Variants in BCL7C observed in about 807,000 individuals in gnomAD.
BCL7C encodes the protein BAF chromatin remodeling complex subunit BCL7C, also known as B-cell CLL/lymphoma 7 protein family member C.
In BCL7C, 8 loss-of-function variants were observed where a neutral mutation model predicts 26.2. The ratio of observed to expected loss-of-function variants is 0.30; its 90% CI spans 0.18 to 0.55. The LOEUF is 0.55. Among genes scored for constraint, BCL7C ranks in the 20% least tolerant of loss-of-function variants. The pLI is 0.93. For synonymous variants in BCL7C, 90 were observed against 116.5 expected, an observed-to-expected ratio of 0.77 and a Z score of 1.47; for missense variants, 262 against 298.5, an observed-to-expected ratio of 0.88 and a Z score of 0.90.
chr16:30,892,712 A>T lies in BCL7C; in HGVS notation c.316T>A (p.Ser106Thr), dbSNP rs2055269722. 6.2e-7 allele frequency: 1 copy of T among 1,613,924 alleles called. No homozygotes were observed. The highest frequency in any genetic ancestry group is 1.7e-5 in the Admixed American group (1 of 59,990). ...CTGGGCTCTGTGCCCTTTTGCAGGG[A>T]ACCTTCCGAATGGAAACTCTGGTTG... is the stretch of plus-strand genomic sequence containing the variant. Reference protein sequence around the residue: ...NSNQSFHSEGSLQKGTEPSPG... With the variant: ...NSNQSFHSEGTLQKGTEPSPG... Residue 106 changes from serine to threonine, a missense_variant, in exon 4 of 6, where the codon TCC (serine) becomes ACC (threonine). Ser to Thr is a moderately conservative substitution (Grantham distance 58). Transcript: ENST00000215115.
At chr16:30,850,029 G>A (rs1488684578) in intron 5 of BCL7C, among the ~76,000 whole-genome samples, 1 of 151,640 alleles carries the variant, frequency 6.6e-6, no homozygotes, top group African/African-American at 2.4e-5. Flanking sequence ...CTAACACAGT[G>A]AAACCCCATC....
At chr16:30,890,713 C>T (rs1290633176) in intron 4 of BCL7C, among the ~76,000 whole-genome samples, 2 of 151,850 alleles carry the variant, frequency 1.3e-5, no homozygotes, top group Admixed American at 6.6e-5. Flanking sequence ...AGGCCAGGCA[C>T]GGTGGCTCAC....
chr16:30,862,599 C>T (rs988506785), intron 5 of BCL7C, among the ~76,000 whole-genome samples: 3 of 152,052 alleles, frequency 2.0e-5, no homozygotes, highest in Admixed American at 1.3e-4. Flanking sequence ...AGGGATATCT[C>T]GTATCCCCCT....
chr16:30,869,503 CTCTT>C (rs1379048310), intron 5 of BCL7C, among the ~76,000 whole-genome samples: 23 of 126,740 alleles, frequency 1.8e-4, no homozygotes, highest in African/African-American at 5.5e-4. Context: ...CCACGCCTGG[CTCTT>C]TCTTTTTTTT....
At chr16:30,840,979 C>T (rs1185792748) in intron 5 of BCL7C, among the ~76,000 whole-genome samples, 1 of 152,124 alleles carries the variant, frequency 6.6e-6, no homozygotes, top group African/African-American at 2.4e-5. Context: ...TGGGGGGACA[C>T]AGCCAAACCA....
At chr16:30,880,238 C>T (rs2055022183) in intron 5 of BCL7C, among the ~76,000 whole-genome samples, 1 of 151,948 alleles carries the variant, frequency 6.6e-6, no homozygotes, top group Non-Finnish European at 1.5e-5. Flanking sequence ...AATCCCAGCA[C>T]TTTGGGAGGC....
chr16:30,855,383 C>A (rs1452074007), intron 5 of BCL7C, among the ~76,000 whole-genome samples: 1 of 152,008 alleles, frequency 6.6e-6, no homozygotes. Context: ...GGATTACAGG[C>A]GTGTGCCCAC....
intron 5 of BCL7C, among the ~76,000 whole-genome samples, chr16:30,842,046 T>G (rs1004997859): frequency 6.6e-6 from 1 of 152,014 alleles, no homozygotes; most frequent in Non-Finnish European, 1.5e-5. Context: ...CTCTTCTGTC[T>G]TTGTCTTTTA....
chr16:30,887,452 G>A (rs1314000401), downstream of BCL7C, among the ~76,000 whole-genome samples: 2 of 149,422 alleles, frequency 1.3e-5, no homozygotes, highest in East Asian at 3.9e-4. Flanking sequence ...ACTCCTGCCT[G>A]GGCAACAGAA....
downstream of BCL7C, among the ~76,000 whole-genome samples, chr16:30,884,389 T>C (rs1305739003): frequency 6.6e-6 from 1 of 152,032 alleles, no homozygotes; most frequent in Non-Finnish European, 1.5e-5. Flanking sequence ...TATTGAGCAC[T>C]TACTACGTCC....
At chr16:30,883,611 C>T (rs946227162), downstream of BCL7C, among the ~76,000 whole-genome samples, 8 of 132,252 alleles carry the variant, frequency 6.0e-5, no homozygotes, top group South Asian at 2.3e-4. Flanking sequence ...CCGCCTCCCA[C>T]GTTCAAGTGA....
At chr16:30,888,994 G>A in intron 4 of BCL7C, 49 bp from the exon 5 acceptor site, 1 of 1,544,244 alleles carries the variant, frequency 6.5e-7, no homozygotes, top group South Asian at 1.1e-5. Flanking sequence ...CTCTGTGCCA[G>A]CAGCACAGAC....
rs779135990 is a variant in BCL7C, at chr16:30,835,008, G to A, written c.669C>T (p.Pro223=). The A allele has an allele frequency of 3.2e-6, 5 of 1,548,754 alleles. No individual in the cohort carries two copies. In the South Asian group the frequency reaches 3.6e-5, roughly 11 times the overall value. Residue 223 remains proline, a synonymous_variant, in exon 6 of 6, where the codon CCC becomes CCT. Coordinates refer to the BCL7C transcript ENST00000380317. ...CCCTCGGGGCCTTGCTGCCTCCCCC[G>A]GGAGCTCTGGTGTCCGGCACCGCCA...
chr16:30,833,679 C>A (rs1474211123), exon 6 of BCL7C: 1 of 152,206 alleles, frequency 6.6e-6, no homozygotes, highest in African/African-American at 2.4e-5. Flanking sequence ...GAGAAAAGGT[C>A]ATTCCAGAAT....
rs571285640 is a variant in BCL7C at position 30,848,509 on chromosome 16, T to A, written c.529-13361A>T. On this transcript the variant is annotated intron_variant, in intron 5 of 5. Transcript: ENST00000380317. ...TGGCAGTAGCTAATGGATTATAGTG[T>A]CCCTAGGAACAAAGTAGATGGGCAG... is the stretch of plus-strand genomic sequence containing the variant. 2.0e-5 allele frequency among the ~76,000 whole-genome samples: 3 copies of A among 152,270 alleles called. No homozygotes were observed. The South Asian group carries it at 6.2e-4, about 32-fold the overall frequency.
intron 5 of BCL7C, among the ~76,000 whole-genome samples, chr16:30,862,412 C>A (rs987958275): frequency 6.6e-6 from 1 of 152,182 alleles, no homozygotes; most frequent in Non-Finnish European, 1.5e-5. Flanking sequence ...GCTGTATTGC[C>A]GCAAGGCTGC....
chr16:30,846,361 G>A (rs1290584198), intron 5 of BCL7C, among the ~76,000 whole-genome samples: 2 of 151,256 alleles, frequency 1.3e-5, no homozygotes, highest in African/African-American at 4.9e-5. Flanking sequence ...GAGTAGCTGG[G>A]ACTACAGGCG....
At chr16:30,851,782 G>T in intron 5 of BCL7C, 1 of 408,090 alleles carries the variant, frequency 2.5e-6, no homozygotes, top group Non-Finnish European at 4.6e-6. Context: ...GCTTTGGGAA[G>T]TACTTTAGAG....
chr16:30,850,068 G>A (rs1172506015), intron 5 of BCL7C, among the ~76,000 whole-genome samples: 1 of 151,784 alleles, frequency 6.6e-6, no homozygotes, highest in East Asian at 1.9e-4. Flanking sequence ...AAATCAGCTG[G>A]GCATGGTGGC....
Sources: allele counts gnomAD v4.1 joint callset (sites outside exome capture counted in the v4.1 genomes callset), GRCh38; gene constraint gnomAD v4.1.1; transcripts MANE v1.5; gene names NCBI Gene and HGNC (gene_info 2026-07-23, HGNC 2026-07-21).